The following UNC13C variants were observed in gnomAD, a reference collection of about 807,000 sequenced individuals.
UNC13C encodes the protein unc-13 homolog C.
Under a neutral mutation model 245.4 loss-of-function variants are expected in UNC13C, and 174 were observed. The ratio of observed to expected loss-of-function variants is 0.71; its 90% confidence interval spans 0.63 to 0.80. UNC13C has a LOEUF of 0.80. Ranked by LOEUF, UNC13C falls within the 30% of genes least tolerant of loss-of-function variation. The pLI, the probability that UNC13C is intolerant of heterozygous loss-of-function variation, is 0.00. For synonymous variants in UNC13C, 992 were observed against 895.1 expected, an observed-to-expected ratio of 1.11 and a Z score of -1.93; for missense variants, 2,829 against 2,602.9, an observed-to-expected ratio of 1.09 and a Z score of -1.89.
chr15:54,146,925 T>C (rs2032284308), intron 4 of UNC13C, among the ~76,000 whole-genome samples: 1 of 152,146 alleles, frequency 6.6e-6, no homozygotes, highest in South Asian at 2.1e-4. Context: ...AAATTGACTA[T>C]AATGAGGCTA....
At chr15:53,966,137 G>C in the UNC13C span, among the ~76,000 whole-genome samples, 7,191 of 152,138 alleles carry the variant, frequency 0.047, 279 homozygotes, top group African/African-American at 0.1. Context: ...TCATATTCTA[G>C]ATTTTGCTGA....
At chr15:54,626,067 G>A (rs1224905336) in intron 32 of UNC13C, among the ~76,000 whole-genome samples, 1 of 152,176 alleles carries the variant, frequency 6.6e-6, no homozygotes, top group Non-Finnish European at 1.5e-5. Flanking sequence ...AGCTGGTACT[G>A]CTGAGGGCTA....
chr15:53,859,687 C>G, the UNC13C span, among the ~76,000 whole-genome samples: 1 of 152,110 alleles, frequency 6.6e-6, no homozygotes, highest in Non-Finnish European at 1.5e-5. Flanking sequence ...ACTTCCAACC[C>G]CGTATTCAGA....
intron 30 of UNC13C, among the ~76,000 whole-genome samples, chr15:54,589,460 A>G (rs1020034788): frequency 6.6e-6 from 1 of 151,268 alleles, no homozygotes; most frequent in African/African-American, 2.4e-5. Context: ...CACCATGCCC[A>G]GTTAATTTTT....
intron 4 of UNC13C, among the ~76,000 whole-genome samples, chr15:54,145,034 C>G (rs1490503307): frequency 6.6e-6 from 1 of 151,658 alleles, no homozygotes; most frequent in Non-Finnish European, 1.5e-5. Flanking sequence ...TCAGGTGATC[C>G]ACACACCTTG....
intron 30 of UNC13C, among the ~76,000 whole-genome samples, chr15:54,586,589 A>G (rs985586380): frequency 3.9e-5 from 6 of 152,184 alleles, no homozygotes; most frequent in South Asian, 2.1e-4. Flanking sequence ...ATAAAGTCAC[A>G]TTGGAGGGTG....
At chr15:54,364,947 T>C in intron 17 of UNC13C, among the ~76,000 whole-genome samples, 1 of 152,214 alleles carries the variant, frequency 6.6e-6, no homozygotes, top group Non-Finnish European at 1.5e-5. Flanking sequence ...CTTTTCCATA[T>C]GTGGATGCTT....
chr15:54,516,519 C>T (rs944861311), intron 24 of UNC13C, among the ~76,000 whole-genome samples: 16 of 152,198 alleles, frequency 1.1e-4, no homozygotes, highest in East Asian at 1.9e-4. Flanking sequence ...GAAAAAGAAT[C>T]AGGCCAGGTG....
At chr15:54,578,071 C>G (rs1283030444) in intron 30 of UNC13C, among the ~76,000 whole-genome samples, 1 of 152,146 alleles carries the variant, frequency 6.6e-6, no homozygotes, top group African/African-American at 2.4e-5. Flanking sequence ...CCCACTTTCT[C>G]AGAATACAGT....
At chr15:54,559,939 T>C (rs1596571198) in intron 29 of UNC13C, among the ~76,000 whole-genome samples, 1 of 151,944 alleles carries the variant, frequency 6.6e-6, no homozygotes, top group Non-Finnish European at 1.5e-5. Flanking sequence ...TCAACTTTAG[T>C]TTGTCAGCAA....
upstream of UNC13C, among the ~76,000 whole-genome samples, chr15:53,975,510 T>G (rs2140938481): frequency 6.6e-6 from 1 of 152,326 alleles, no homozygotes; most frequent in African/African-American, 2.4e-5. Context: ...GATCGAGGTT[T>G]TCTAAAACAC....
At chr15:53,880,806 A>G in the UNC13C span, among the ~76,000 whole-genome samples, 1 of 151,680 alleles carries the variant, frequency 6.6e-6, no homozygotes, top group Non-Finnish European at 1.5e-5. Context: ...ATTATTGCTT[A>G]CTGCCCCTCC....
At position 54,493,473 on chromosome 15, in the gene UNC13C, A is replaced by G. The variant is rs935244064; in HGVS notation, c.4934-1135A>G. ...TGTTCAGATAATTTGGAAATGTTTG[A>G]CCTGGGGTTGAGTTCTCTCTTATGT... On this transcript the variant is annotated intron_variant, in intron 19 of 32. Coordinates refer to ENST00000260323, the MANE Select transcript of UNC13C (RefSeq NM_001080534.3). Among the ~76,000 whole-genome samples the G allele has an allele frequency of 4.0e-5, 6 of 151,878 alleles. No homozygotes were observed. In the East Asian group the frequency reaches 7.7e-4, roughly 20 times the overall value.
intron 2 of UNC13C, among the ~76,000 whole-genome samples, chr15:54,122,513 A>T (rs927977846): frequency 1.5e-4 from 23 of 152,006 alleles, no homozygotes; most frequent in Non-Finnish European, 2.9e-4. Flanking sequence ...TAACGCATCC[A>T]TTGTATGTGT....
At chr15:53,885,990 C>T in the UNC13C span, among the ~76,000 whole-genome samples, 19 of 151,984 alleles carry the variant, frequency 1.3e-4, no homozygotes, top group Admixed American at 3.3e-4. Flanking sequence ...ATGGTGGGAA[C>T]AAGGTTTCTG....
At chr15:54,512,515 C>T in intron 24 of UNC13C, 1 of 363,318 alleles carries the variant, frequency 2.8e-6, no homozygotes, top group South Asian at 2.1e-5. Flanking sequence ...TAGCTATGCA[C>T]CTGCATCTTC....
At chr15:54,173,186 C>G (rs562592059) in intron 4 of UNC13C, among the ~76,000 whole-genome samples, 1 of 151,918 alleles carries the variant, frequency 6.6e-6, no homozygotes, top group African/African-American at 2.4e-5. Flanking sequence ...TATCTTTTTA[C>G]AAGGTTATAT....
chr15:54,103,063 T>A (rs1473357384), intron 2 of UNC13C, among the ~76,000 whole-genome samples: 1 of 152,216 alleles, frequency 6.6e-6, no homozygotes, highest in Admixed American at 6.5e-5. Context: ...TGTCTGGCAG[T>A]TGCTGAGGGT....
intron 13 of UNC13C, among the ~76,000 whole-genome samples, chr15:54,318,817 A>G (rs1440264447): frequency 6.6e-6 from 1 of 151,892 alleles, no homozygotes; most frequent in African/African-American, 2.4e-5. Context: ...GGTCATATCA[A>G]AAAAATAATT....
Sources: gnomAD v4.1 joint callset for allele counts (sites outside exome capture counted in the v4.1 genomes callset) on GRCh38, gnomAD v4.1.1 for gene constraint, MANE v1.5 for transcripts, NCBI Gene and HGNC (gene_info 2026-07-23, HGNC 2026-07-21) for gene names.